Variants in CFHR5 observed in about 807,000 individuals in gnomAD.
The protein encoded by CFHR5 is complement factor H related 5.
Under a neutral mutation model 62.9 loss-of-function variants are expected in CFHR5, and 73 were observed. The observed-to-expected ratio is 1.16, with a 90% CI of 0.96 to 1.41. The LOEUF is 1.41. CFHR5 is among the 40% of genes most tolerant of loss of function. CFHR5 has a pLI of 0.00. For missense variants in CFHR5, 779 were observed against 679.9 expected (o/e 1.15, Z -1.62); for synonymous variants, 249 against 227.2 (o/e 1.10, Z -0.86).
chr1:196,992,436 C>T (rs1345010617), intron 3 of CFHR5, among the ~76,000 whole-genome samples: 1 of 151,496 alleles, frequency 6.6e-6, no homozygotes, highest in Non-Finnish European at 1.5e-5. Flanking sequence ...TCTGTCAGGG[C>T]CTCCCTTGGC....
intron 3 of CFHR5, among the ~76,000 whole-genome samples, chr1:196,992,717 A>G (rs1036777138): frequency 6.6e-6 from 1 of 152,226 alleles, no homozygotes; most frequent in African/African-American, 2.4e-5. Context: ...AGTTAAAAAA[A>G]GACTATAAAC....
At chr1:197,007,000 C>T (rs1654306785) in intron 9 of CFHR5, among the ~76,000 whole-genome samples, 2 of 151,672 alleles carry the variant, frequency 1.3e-5, no homozygotes, top group Admixed American at 6.6e-5. Flanking sequence ...CCATGCCCGG[C>T]TAATTTTTGT....
At chr1:196,976,689 T>C (rs1325926), upstream of CFHR5, among the ~76,000 whole-genome samples, 2 of 151,978 alleles carry the variant, frequency 1.3e-5, no homozygotes, top group East Asian at 3.9e-4. Context: ...GGAGTGAATA[T>C]ACCAAGACCC....
intron 4 of CFHR5, 87 bp from the exon 5 acceptor site, chr1:196,995,630 T>C: frequency 1.7e-6 from 2 of 1,163,230 alleles, no homozygotes; most frequent in Non-Finnish European, 2.6e-6. Context: ...TAAAGGCAAT[T>C]AATTTCTAAG....
intron 1 of CFHR5, among the ~76,000 whole-genome samples, chr1:196,981,531 TAG>T (rs1196063403): frequency 3.4e-5 from 5 of 145,590 alleles, no homozygotes; most frequent in South Asian, 4.2e-4. Flanking sequence ...CAAGAAAAAA[TAG>T]AGTCAAAACA....
chr1:196,986,229 G>A (rs1653678053), intron 3 of CFHR5, among the ~76,000 whole-genome samples: 1 of 152,090 alleles, frequency 6.6e-6, no homozygotes, highest in Admixed American at 6.6e-5. Context: ...GTAACATCTT[G>A]CAAGTTATGG....
intron 9 of CFHR5, among the ~76,000 whole-genome samples, chr1:197,005,582 G>A (rs977541166): frequency 3.3e-5 from 5 of 152,038 alleles, no homozygotes; most frequent in East Asian, 1.9e-4. Context: ...GATATGGGGC[G>A]AATTAATAAC....
upstream of CFHR5, among the ~76,000 whole-genome samples, chr1:196,976,799 C>CTTT (rs10588279): frequency 6.3e-3 from 619 of 98,136 alleles, 26 homozygotes; most frequent in African/African-American, 0.023. Flanking sequence ...AAAAATTATT[C>CTTT]TTTTTTTTTT....
In CFHR5 at chr1:197,002,493, C is replaced by T. The variant is rs753176414; in HGVS notation, c.1159C>T (p.Gln387Ter). Residue 387 changes from glutamine (Q) to a stop codon, truncating the protein, a stop_gained, in exon 8 of 10, where the codon CAA becomes TAA. Coordinates refer to ENST00000256785, the MANE Select transcript of CFHR5 (RefSeq NM_030787.4). LOFTEE classifies it high-confidence loss of function. ...CCAATATTTTGTAGAAAAAAGGGAACAATTCTGCCCACCGCCACCTCAGAT... is the reference window on the plus strand; with the variant it reads ...CCAATATTTTGTAGAAAAAAGGGAATAATTCTGCCCACCGCCACCTCAGAT... ...PEVDCTEKRE[Q>*]FCPPPPQIPN... The T allele has an allele frequency of 1.2e-6, 2 of 1,612,328 alleles. No homozygotes were observed. The highest frequency in any genetic ancestry group is 1.3e-5 in the African/African-American group (1 of 74,784).
At chr1:196,979,046 C>T (rs78712365) in intron 1 of CFHR5, among the ~76,000 whole-genome samples, 2,963 of 152,020 alleles carry the variant, frequency 0.019, 96 homozygotes, top group African/African-American at 0.067. Flanking sequence ...AAATAACAGA[C>T]GAAAGCAACA....
intron 7 of CFHR5, among the ~76,000 whole-genome samples, chr1:196,998,760 C>T (rs1258855258): frequency 6.6e-6 from 1 of 151,784 alleles, no homozygotes; most frequent in African/African-American, 2.4e-5. Flanking sequence ...TCACATTCCT[C>T]GAAGGCTTAT....
intron 2 of CFHR5, among the ~76,000 whole-genome samples, chr1:196,983,471 A>AT (rs1032192946): frequency 1.4e-4 from 21 of 152,244 alleles, no homozygotes; most frequent in African/African-American, 4.1e-4. Context: ...AAGGTTTGGT[A>AT]TTTTAACTTT....
rs756810941 is a variant in CFHR5, at chr1:196,996,225, A to G, written c.970+24A>G. On this transcript the variant is annotated intron_variant, in intron 6 of 9. Transcript: ENST00000256785. ...TGGTGAGAAAACATTCCTAAACTTT[A>G]TATTTGATTATTTATCATTTTGATT... 21 of 1,541,050 alleles carry G rather than the reference A, an allele frequency of 1.4e-5. No individual in the cohort carries two copies. In the South Asian group the frequency reaches 2.2e-4, roughly 16 times the overall value.
upstream of CFHR5, among the ~76,000 whole-genome samples, chr1:196,975,667 T>C (rs1410640678): frequency 6.6e-6 from 1 of 152,000 alleles, no homozygotes; most frequent in Non-Finnish European, 1.5e-5. Context: ...TGAGGATTGG[T>C]GGTTAAGGAG....
chr1:196,990,930 A>G (rs1184640818), intron 3 of CFHR5, among the ~76,000 whole-genome samples: 2 of 152,108 alleles, frequency 1.3e-5, no homozygotes, highest in Admixed American at 1.3e-4. Flanking sequence ...AGGTTAAGGA[A>G]GTTCCCCTGG....
intron 6 of CFHR5, 115 bp downstream of exon 6, chr1:196,996,316 A>G: frequency 1.2e-6 from 1 of 810,100 alleles, no homozygotes; most frequent in Non-Finnish European, 2.1e-6. Context: ...TCTTCCTTCC[A>G]CAAGTAAAAT....
In CFHR5 at chr1:196,998,761, G is replaced by A. The variant is rs138999082; in HGVS notation, c.1147+457G>A. 6.9e-4 allele frequency among the ~76,000 whole-genome samples: 105 copies of A among 151,934 alleles called. 2 individuals carry two copies. The East Asian group carries it at 0.017, about 25-fold the overall frequency. ...CCTAAGAAAAAGTCTCACATTCCTC[G>A]AAGGCTTATATTCAAATCATTTACT... On this transcript the variant is annotated intron_variant, in intron 7 of 9. Coordinates refer to ENST00000256785, the MANE Select transcript of CFHR5 (RefSeq NM_030787.4).
intron 8 of CFHR5, among the ~76,000 whole-genome samples, chr1:197,004,224 A>T (rs1654227958): frequency 6.6e-6 from 1 of 152,182 alleles, no homozygotes; most frequent in Non-Finnish European, 1.5e-5. Flanking sequence ...GGTATCAAAA[A>T]AGTAAATGCA....
chr1:196,996,333 A>C, intron 6 of CFHR5, 132 bp downstream of exon 6: 1 of 744,452 alleles, frequency 1.3e-6, no homozygotes, highest in Non-Finnish European at 2.3e-6. Context: ...AAATATGTCA[A>C]TCCATTTATT....
Sources: gnomAD v4.1 joint callset for allele counts (sites outside exome capture counted in the v4.1 genomes callset) on GRCh38, gnomAD v4.1.1 for gene constraint, MANE v1.5 for transcripts, NCBI Gene and HGNC (gene_info 2026-07-23, HGNC 2026-07-21) for gene names.